The following GNAT2 variants were observed in gnomAD, a reference collection of about 807,000 sequenced individuals.
The protein encoded by GNAT2 is guanine nucleotide-binding protein G(t) subunit alpha-2.
In GNAT2, 32 loss-of-function variants were observed where a neutral mutation model predicts 40.9. The observed-to-expected ratio is 0.78, with a 90% CI of 0.59 to 1.05. The LOEUF is 1.05. Ranked by LOEUF, GNAT2 falls within the 50% of genes least tolerant of loss-of-function variation. The pLI is 0.00. For missense variants in GNAT2, 355 were observed against 431.5 expected, an observed-to-expected ratio of 0.82 and a Z score of 1.57; for synonymous variants, 141 against 157.2, an observed-to-expected ratio of 0.90 and a Z score of 0.77.
At position 109,612,769 on chromosome 1, in the gene GNAT2, G is replaced by A. The variant is rs1410960229; in HGVS notation, c.102C>T (p.Val34=). ...CTCACTCACCCAGCAGTAGCAGCTT[G>A]ACAGTCTTGGCTTCCTTATCAGCAT... ...QEDADKEAKT[V]KLLLLGAGES... Residue 34 remains valine, a synonymous_variant, in exon 2 of 9, where the codon GTC becomes GTT. Transcript: ENST00000679935. 4 of 1,598,750 alleles carry A rather than the reference G, an allele frequency of 2.5e-6. No homozygotes were observed. The highest frequency in any genetic ancestry group is 3.4e-6 in the Non-Finnish European group (4 of 1,166,046).
At position 109,606,101 on chromosome 1, in the gene GNAT2, TG is replaced by T; in HGVS notation, c.591-3del. The T allele has an allele frequency of 6.2e-7, 1 of 1,614,072 alleles. No individual in the cohort carries two copies. The highest frequency in any genetic ancestry group is 1.1e-5 in the South Asian group (1 of 91,082). ...CTCTGCCCTCCCACATCAAACATCC[TG>T]AGGGAAGAAGCAGCTATTTTCATAG... On this transcript the variant is annotated splice_polypyrimidine_tract_variant and splice_region_variant and intron_variant, in intron 6 of 8. Coordinates refer to ENST00000679935, the MANE Select transcript of GNAT2 (RefSeq NM_001377295.2).
At chr1:109,603,911 C>A (rs528474479) in intron 8 of GNAT2, 40 bp downstream of exon 8, 5 of 1,444,704 alleles carry the variant, frequency 3.5e-6, no homozygotes, top group Non-Finnish European at 4.9e-6. Context: ...CCAGTCTCTA[C>A]TAAAAGGCAT....
chr1:109,606,175 G>T, intron 6 of GNAT2, 76 bp from the exon 7 acceptor site: 4 of 1,584,704 alleles, frequency 2.5e-6, no homozygotes, highest in Non-Finnish European at 3.5e-6. Flanking sequence ...ACCCCGTGAA[G>T]TGGGAGAGGA....
intron 6 of GNAT2, 81 bp downstream of exon 6, chr1:109,606,227 C>G: frequency 6.3e-7 from 1 of 1,574,916 alleles, no homozygotes; most frequent in Non-Finnish European, 8.7e-7. Flanking sequence ...TAGGCTTCAC[C>G]AAAGGCCAAG....
chr1:109,606,873 T>C, intron 5 of GNAT2: 3 of 203,648 alleles, frequency 1.5e-5, no homozygotes, highest in African/African-American at 2.3e-5. Flanking sequence ...CTGGGGAAAT[T>C]TGAACACCGA....
chr1:109,605,029 C>T (rs190156150), intron 7 of GNAT2: 3 of 152,126 alleles, frequency 2.0e-5, no homozygotes, highest in Admixed American at 6.5e-5. Flanking sequence ...TTTGATTAGA[C>T]GATATTCAGA....
chr1:109,608,686 C>G lies in GNAT2; in HGVS notation c.406G>C (p.Val136Leu). 1 of 1,613,996 alleles carries G rather than the reference C, an allele frequency of 6.2e-7. No homozygotes were observed. The highest frequency in any genetic ancestry group is 8.5e-7 in the Non-Finnish European group (1 of 1,179,874). ...VIRRLWKDGG[V>L]QACFERAAEY... ...GCAGCTCTCTCGAAGCAGGCTTGCA[C>G]CCCACCATCCTTCCACAACCTCCTA... Residue 136 changes from valine to leucine, a missense_variant, in exon 5 of 9, where the codon GTG becomes CTG. Coordinates refer to ENST00000679935, the MANE Select transcript of GNAT2 (RefSeq NM_001377295.2).
chr1:109,613,071 A>G (rs1649851825), intron 1 of GNAT2, 148 bp from the exon 2 acceptor site: 5 of 632,752 alleles, frequency 7.9e-6, no homozygotes, highest in Non-Finnish European at 1.4e-5. Context: ...CCCTACTTCA[A>G]CTGGAGACCT....
rs1268636265 is a variant in GNAT2 at position 109,610,056 on chromosome 1, GCA to G, written c.285_286del (p.Ala96Ter). 1 of 1,613,926 alleles carries G rather than the reference GCA, an allele frequency of 6.2e-7. No homozygotes were observed. The highest frequency in any genetic ancestry group is 8.5e-7 in the Non-Finnish European group (1 of 1,179,906). On this transcript the variant is annotated frameshift_variant, in exon 4 of 9. Coordinates refer to ENST00000679935, the MANE Select transcript of GNAT2 (RefSeq NM_001377295.2). LOFTEE classifies it high-confidence loss of function. ...ATCACATACCGCACAGCTTGGTTCA[GCA>G]TAATCGATGCCCAGTGTGGTCATGG... is the stretch of plus-strand genomic sequence containing the variant.
chr1:109,609,978 G>A (rs1292917112), intron 4 of GNAT2, 62 bp downstream of exon 4: 1 of 1,499,628 alleles, frequency 6.7e-7, no homozygotes, highest in African/African-American at 1.4e-5. Flanking sequence ...TTGGCCTCTG[G>A]TATGTTTCTT....
Position 109,608,925 on chromosome 1 carries a change from A to G in GNAT2, c.304-137T>C, listed in dbSNP as rs1649706094. 9 of 759,754 alleles carry G rather than the reference A, an allele frequency of 1.2e-5. No individual in the cohort carries two copies. In the Admixed American group the frequency reaches 1.6e-4, roughly 14 times the overall value. The allele number at this position is 759,754 out of a possible 1,614,324, so 47.1% of individuals were successfully genotyped here. On this transcript the variant is annotated intron_variant, in intron 4 of 8. Coordinates refer to ENST00000679935, the MANE Select transcript of GNAT2 (RefSeq NM_001377295.2). ...GGAAGCAGTATCCAGTGAAGATTCT[A>G]TGTAAGAAAACATACTGTTGAATTT...
chr1:109,605,667 TG>T lies in GNAT2; in HGVS notation c.720+302del, dbSNP rs1275721699. 6 of 386,188 alleles carry T rather than the reference TG, an allele frequency of 1.6e-5. No homozygotes were observed. The East Asian group carries it at 3.8e-4, about 24-fold the overall frequency. 23.9% of individuals were successfully genotyped at this position (386,188 alleles called of 1,614,324 possible). On this transcript the variant is annotated intron_variant, in intron 7 of 8. Transcript: ENST00000679935. The stretch of plus-strand genomic sequence containing the variant: ...GTGTAACTCCTTTGCTTTGCCTAGT[TG>T]ATGGTCCCTTATCTCTTTGCACTCA...
chr1:109,617,238 G>A (rs1649973497), intron 1 of GNAT2: 1 of 152,232 alleles, frequency 6.6e-6, no homozygotes, highest in Non-Finnish European at 1.5e-5. Context: ...GATTGTTCTG[G>A]CCTAGCTAGG....
chr1:109,605,934 G>C, intron 7 of GNAT2, 36 bp downstream of exon 7: 1 of 1,602,524 alleles, frequency 6.2e-7, no homozygotes, highest in East Asian at 2.2e-5. Context: ...GGGAGAACTT[G>C]TTCTACCAAA....
intron 5 of GNAT2, chr1:109,606,938 T>G (rs1649615924): frequency 6.0e-6 from 1 of 167,320 alleles, no homozygotes. Context: ...TGTGATTATA[T>G]TCTTTTTATA....
intron 1 of GNAT2, among the ~76,000 whole-genome samples, chr1:109,619,267 TC>T (rs534073643): frequency 2.0e-3 from 309 of 152,370 alleles, no homozygotes; most frequent in Middle Eastern, 0.01. Flanking sequence ...TTATATTAAC[TC>T]ATTTATCTTA....
intron 7 of GNAT2, chr1:109,605,529 G>A: frequency 3.5e-6 from 1 of 289,708 alleles, no homozygotes; most frequent in South Asian, 3.4e-5. Flanking sequence ...CCTCCTAAGT[G>A]GGGTTACTAG....
At chr1:109,619,449 A>G (rs1451810035) in intron 1 of GNAT2, 34 bp downstream of exon 1, 1 of 152,232 alleles carries the variant, frequency 6.6e-6, no homozygotes, top group Non-Finnish European at 1.5e-5. Flanking sequence ...AAATGTGGGA[A>G]GGGGAGCCAG....
intron 1 of GNAT2, chr1:109,615,002 A>G (rs1390193446): frequency 6.6e-6 from 1 of 152,192 alleles, no homozygotes; most frequent in Non-Finnish European, 1.5e-5. Flanking sequence ...CGTACTCACA[A>G]TACTGGTAAC....
Sources: allele counts gnomAD v4.1 joint callset (sites outside exome capture counted in the v4.1 genomes callset), GRCh38; gene constraint gnomAD v4.1.1; transcripts MANE v1.5; gene names NCBI Gene and HGNC (gene_info 2026-07-23, HGNC 2026-07-21).